The following EVPL variants were observed in gnomAD, a reference collection of about 807,000 sequenced individuals.
EVPL encodes envoplakin, also known as 210 kDa cornified envelope precursor protein.
Under a neutral mutation model 129.7 loss-of-function variants are expected in EVPL, and 94 were observed. That is an observed-to-expected ratio of 0.72 (90% CI 0.61 to 0.86). The LOEUF is 0.86. Ranked by LOEUF, EVPL falls within the 40% of genes least tolerant of loss-of-function variation. The probability of loss-of-function intolerance (pLI) is 0.00; values close to 1 mark genes in which losing one functional copy is unlikely to be tolerated. For missense variants in EVPL, 2,625 were observed against 2,721.1 expected (o/e 0.96, Z 0.79); for synonymous variants, 1,172 against 1,191.1 (o/e 0.98, Z 0.33).
chr17:76,024,135 G>T lies in EVPL; in HGVS notation c.99-15C>A, dbSNP rs1179376120. On this transcript the variant is annotated splice_polypyrimidine_tract_variant and intron_variant, in intron 1 of 21. Transcript: ENST00000301607. This position sits in a 1 kb window ranked among gnomAD's most constrained non-coding sequence, Gnocchi z 4.5. Reference sequence around the variant, plus strand: ...GGGTGGCAGCCCTAGTGTGTGGAGGGGACAGCGGGTAGCTCGGTGGAAGAG... The same window carrying T: ...GGGTGGCAGCCCTAGTGTGTGGAGGTGACAGCGGGTAGCTCGGTGGAAGAG... The T allele has an allele frequency of 9.9e-6, 16 of 1,611,534 alleles. No individual in the cohort carries two copies. Among genetic ancestry groups the T allele is most frequent in the African/African-American group, 1.3e-5 (1 of 74,874 alleles).
chr17:76,012,359 T>G (rs1333266887), intron 18 of EVPL: 1 of 384,692 alleles, frequency 2.6e-6, no homozygotes, highest in African/African-American at 2.1e-5. Context: ...CAGGTTGGAG[T>G]GCGTGATCTC....
intron 9 of EVPL, among the ~76,000 whole-genome samples, chr17:76,020,809 G>A (rs572976225): frequency 2.0e-5 from 3 of 151,884 alleles, no homozygotes; most frequent in East Asian, 3.9e-4. Flanking sequence ...CTCCTGGCTC[G>A]GCTTCCCAAA....
At position 76,009,196 on chromosome 17, in the gene EVPL, C is replaced by A. The variant is rs2066351908; in HGVS notation, c.4009G>T (p.Val1337Leu). 3 of 1,610,174 alleles carry A rather than the reference C, an allele frequency of 1.9e-6. No individual in the cohort carries two copies. Among genetic ancestry groups the A allele is most frequent in the African/African-American group, 1.3e-5 (1 of 74,932 alleles). Residue 1337 changes from valine (V) to leucine (L), a missense_variant, in exon 22 of 22, where the codon GTG becomes TTG. This residue lies in a region of EVPL where 1,453 missense variants were observed against 1,511.8 expected (regional missense o/e 0.96). Coordinates refer to ENST00000301607, the MANE Select transcript of EVPL (RefSeq NM_001988.4). The surrounding 1 kb of genome is among the most constrained non-coding windows in gnomAD (Gnocchi z 5.9). ...CGCCTCTTCTGGGCCGCCTCCCGCA[C>A]CTCCTGGCGGAGCCGCTCTGCTTCT... Reference protein sequence around the residue: ...EKEAERLRQEVREAAQKRRAA... With the variant: ...EKEAERLRQELREAAQKRRAA...
Position 76,007,162 on chromosome 17 carries a change from G to C in EVPL, c.6043C>G (p.Leu2015Val). ...LSGLLLLPAA[L>V]EGYRCYRSAS... ...GAGCGGTAGCAGCGGTACCCCTCCAGTGCCGCTGGCAGGAGCAGCAGGCCG... is the reference window on the plus strand; with the variant it reads ...GAGCGGTAGCAGCGGTACCCCTCCACTGCCGCTGGCAGGAGCAGCAGGCCG... Residue 2015 changes from leucine (L) to valine (V), a missense_variant, in exon 22 of 22, where the codon CTG (leucine) becomes GTG (valine). By Grantham distance (32) the Leu-to-Val change is conservative (BLOSUM62 1). Around this residue, in one of 4 missense-constraint regions of EVPL, gnomAD observed 1,453 missense variants for 1,511.8 expected, o/e 0.96. Coordinates refer to ENST00000301607, the MANE Select transcript of EVPL (RefSeq NM_001988.4). The surrounding 1 kb of genome is among the most constrained non-coding windows in gnomAD (Gnocchi z 8.8). 2 of 1,510,606 alleles carry C rather than the reference G, an allele frequency of 1.3e-6. No homozygotes were observed. Among genetic ancestry groups the C allele is most frequent in the Non-Finnish European group, 1.8e-6 (2 of 1,128,164 alleles). 93.6% of individuals were successfully genotyped at this position (1,510,606 alleles called of 1,614,324 possible).
At position 76,008,404 on chromosome 17, in the gene EVPL, C is replaced by A. The variant is rs199627871; in HGVS notation, c.4801G>T (p.Ala1601Ser). ...ECGRLQQELRALERQKQQQTL... is the reference protein window; with the variant it reads ...ECGRLQQELRSLERQKQQQTL... ...TGCTGCTGCTTCTGCCTCTCCAGAG[C>A]CCGCAGCTCCTGCTGCAGCCGCCCA... Residue 1601 changes from alanine to serine, a missense_variant, in exon 22 of 22, where the codon GCT becomes TCT. By Grantham distance (99) the Ala-to-Ser change is moderately conservative. This residue lies in a region of EVPL where 1,453 missense variants were observed against 1,511.8 expected (regional missense o/e 0.96). Coordinates refer to ENST00000301607, the MANE Select transcript of EVPL (RefSeq NM_001988.4). This position sits in a 1 kb window ranked among gnomAD's most constrained non-coding sequence, Gnocchi z 7.4. 1.5e-5 allele frequency: 24 copies of A among 1,593,582 alleles called. No homozygotes were observed. The Admixed American group carries it at 2.7e-4, about 18-fold the overall frequency.
intron 17 of EVPL, 77 bp downstream of exon 17, chr17:76,014,839 G>A (rs906183470): frequency 7.0e-7 from 1 of 1,419,824 alleles, no homozygotes; most frequent in Non-Finnish European, 9.5e-7. Context: ...ACTAGCCCAG[G>A]ATCACACAGC....
chr17:76,007,608 C>T lies in EVPL; in HGVS notation c.5597G>A (p.Gly1866Glu), dbSNP rs1231727247. The change falls in exon 22 of 22, where the codon GGG (glycine) becomes GAG (glutamate). Residue 1866 changes from glycine (G) to glutamate (E), a missense_variant. Physicochemically the swap from Gly to Glu is moderately conservative, Grantham distance 98. Transcript: ENST00000301607. The surrounding 1 kb of genome is among the most constrained non-coding windows in gnomAD (Gnocchi z 8.8). ...QKLLEAQAAT[G>E]GIVDLLSRER... The stretch of plus-strand genomic sequence containing the variant: ...ACGGCTGAGCAGGTCCACGATGCCC[C>T]CTGTGGCCGCCTGGGCCTCCAGTAG... The T allele has an allele frequency of 3.1e-6, 5 of 1,613,948 alleles. No individual in the cohort carries two copies. The highest frequency in any genetic ancestry group is 1.3e-5 in the African/African-American group (1 of 75,066).
Position 76,009,881 on chromosome 17 carries a change from C to T in EVPL, c.3324G>A (p.Gln1108=), listed in dbSNP as rs1218207752. The T allele has an allele frequency of 1.2e-6, 2 of 1,614,150 alleles. No homozygotes were observed. Among genetic ancestry groups the T allele is most frequent in the Non-Finnish European group, 1.7e-6 (2 of 1,180,032 alleles). The change falls in exon 22 of 22, where the codon CAG becomes CAA. Residue 1108 remains glutamine (Q), a synonymous_variant. Coordinates refer to ENST00000301607, the MANE Select transcript of EVPL (RefSeq NM_001988.4). This position sits in a 1 kb window ranked among gnomAD's most constrained non-coding sequence, Gnocchi z 5.9. ...GTAGCTTGGCCACAGCCTCCTCCGCCTGCTTCCTCCGCGCAGCATCCTCCT... is the reference window on the plus strand; with the variant it reads ...GTAGCTTGGCCACAGCCTCCTCCGCTTGCTTCCTCCGCGCAGCATCCTCCT... ...QMEEDAARRK[Q]AEEAVAKLQA... is the part of the protein sequence containing the mutation.
rs2066443017 is a variant in EVPL at position 76,019,560 on chromosome 17, CA to C, written c.1104del (p.Gly369AlafsTer72). ...AKYSPAPGGP[P>X]GAPTELLQQL... ...TGTTGCAGCAGCTCTGTGGGGGCGCCAGGGGGGCCCCCAGGTGCAGGGCTGT... is the reference window on the plus strand; with the variant it reads ...TGTTGCAGCAGCTCTGTGGGGGCGCCGGGGGGCCCCCAGGTGCAGGGCTGT... On this transcript the variant is annotated frameshift_variant, in exon 10 of 22. Coordinates refer to ENST00000301607, the MANE Select transcript of EVPL (RefSeq NM_001988.4). LOFTEE classifies it high-confidence loss of function. The C allele has an allele frequency of 3.2e-6, 5 of 1,576,118 alleles. No homozygotes were observed. The highest frequency in any genetic ancestry group is 4.6e-5 in the East Asian group (2 of 43,588).
At position 76,008,351 on chromosome 17, in the gene EVPL, C is replaced by A; in HGVS notation, c.4854G>T (p.Lys1618Asn). The A allele has an allele frequency of 6.2e-7, 1 of 1,603,576 alleles. No homozygotes were observed. ...QQTLQLQEES[K>N]LLSQKTESER... ...CGCTCTCCGTCTTCTGGCTGAGCAG[C>A]TTCGACTCCTCCTGCAGCTGCAGTG... Residue 1618 changes from lysine to asparagine, a missense_variant, in exon 22 of 22, where the codon AAG becomes AAT. Physicochemically the swap from Lys to Asn is moderately conservative, Grantham distance 94 (BLOSUM62 0). Transcript: ENST00000301607. The surrounding 1 kb of genome is among the most constrained non-coding windows in gnomAD (Gnocchi z 7.4).
intron 14 of EVPL, 75 bp downstream of exon 14, chr17:76,017,664 C>T (rs2066426646): frequency 3.9e-6 from 6 of 1,554,214 alleles, no homozygotes; most frequent in African/African-American, 1.4e-5. Context: ...CTGCACTTGC[C>T]TCACCTCCCT....
In EVPL at chr17:76,019,012, G is replaced by T; in HGVS notation, c.1186C>A (p.Gln396Lys). The part of the protein sequence containing the change: ...AVTERATGDL[Q>K]RRSRDVAPLP... The stretch of plus-strand genomic sequence containing the variant: ...GGGGCCACATCCCGGCTTCGCCGCT[G>T]CAGGTCCCCAGTGGCCCTCTCGGTG... The change falls in exon 11 of 22, where the codon CAG (glutamine) becomes AAG (lysine). Residue 396 changes from glutamine to lysine, a missense_variant. Physicochemically the swap from Gln to Lys is moderately conservative, Grantham distance 53 (BLOSUM62 1). Transcript: ENST00000301607. The T allele has an allele frequency of 6.4e-7, 1 of 1,574,206 alleles. No individual in the cohort carries two copies. The highest frequency in any genetic ancestry group is 1.4e-5 in the African/African-American group (1 of 71,946).
rs780250878 is a variant in EVPL at position 76,009,413 on chromosome 17, G to C, written c.3792C>G (p.Pro1264=). ...TQEVVRHERS[P]EVLREIDRLK... is the part of the protein sequence containing the mutation. ...GGCGGTCGATCTCACGCAGCACCTC[G>C]GGGCTCCTCTCATGCCTCACCACCT... is the stretch of plus-strand genomic sequence containing the variant. Residue 1264 remains proline (P), a synonymous_variant, in exon 22 of 22, where the codon CCC becomes CCG. Coordinates refer to ENST00000301607, the MANE Select transcript of EVPL (RefSeq NM_001988.4). This position sits in a 1 kb window ranked among gnomAD's most constrained non-coding sequence, Gnocchi z 5.9. The C allele has an allele frequency of 2.5e-6, 4 of 1,613,882 alleles. No homozygotes were observed. Among genetic ancestry groups the C allele is most frequent in the Non-Finnish European group, 3.4e-6 (4 of 1,179,956 alleles).
In EVPL at chr17:76,014,548, T is replaced by G. The variant is rs1331352751; in HGVS notation, c.2251A>C (p.Thr751Pro). 1.2e-6 allele frequency: 2 copies of G among 1,611,986 alleles called. No homozygotes were observed. The highest frequency in any genetic ancestry group is 1.7e-6 in the Non-Finnish European group (2 of 1,179,548). Reference sequence around the variant, plus strand: ...TTGCAGTTCTTGAACTGCTGGTAGGTGAGGGCGGCATCCTGCACCACCTTC... The same window carrying G: ...TTGCAGTTCTTGAACTGCTGGTAGGGGAGGGCGGCATCCTGCACCACCTTC... ...REKVVQDAAL[T>P]YQQFKNCKDN... The change falls in exon 18 of 22, where the codon ACC becomes CCC. Residue 751 changes from threonine to proline, a missense_variant. Around this residue, in one of 4 missense-constraint regions of EVPL, gnomAD observed 1,024 missense variants for 997.5 expected, o/e 1.03. Transcript: ENST00000301607.
At chr17:76,021,611 G>GGCCCCCCC (rs2144433396) in intron 8 of EVPL, 48 bp from the exon 9 acceptor site, 1 of 1,202,158 alleles carries the variant, frequency 8.3e-7, no homozygotes, top group Non-Finnish European at 1.1e-6. Flanking sequence ...CCCCACGTCC[G>GGCCCCCCC]CCCCACCTCC....
chr17:76,012,209 A>C, intron 18 of EVPL, 120 bp from the exon 19 acceptor site: 1 of 687,456 alleles, frequency 1.5e-6, no homozygotes, highest in Non-Finnish European at 2.4e-6. Flanking sequence ...AAGAAAGGGC[A>C]GGGAGGGAGA....
chr17:76,022,544 G>A lies in EVPL; in HGVS notation c.481-6C>T, dbSNP rs1282212524. 2 of 1,600,622 alleles carry A rather than the reference G, an allele frequency of 1.2e-6. No individual in the cohort carries two copies. The highest frequency in any genetic ancestry group is 1.1e-5 in the South Asian group (1 of 89,110). On this transcript the variant is annotated splice_polypyrimidine_tract_variant and splice_region_variant and intron_variant, in intron 4 of 21. Transcript: ENST00000301607. This position sits in a 1 kb window ranked among gnomAD's most constrained non-coding sequence, Gnocchi z 5.6. The stretch of plus-strand genomic sequence containing the variant: ...TGGCCTGCGCAGACCTGCTTCTGCA[G>A]GAGAGCCGGCGGCTCAGTCCCCAAA...
At chr17:76,014,039 C>T (rs189536482) in intron 18 of EVPL, among the ~76,000 whole-genome samples, 1 of 152,342 alleles carries the variant, frequency 6.6e-6, no homozygotes, top group Non-Finnish European at 1.5e-5. Context: ...GTGTGTCCAG[C>T]CTGGGGGCAC....
Position 76,017,853 on chromosome 17 carries a change from G to A in EVPL, c.1596C>T (p.Thr532=). The stretch of plus-strand genomic sequence containing the variant: ...TCTGTCCCAGGTCTCCATCCAGCCG[G>A]GTCATCTGTGTCAGGAGCTTCTGGG... ...PQAQKLLTQM[T]RLDGDLGQIE... Residue 532 remains threonine, a synonymous_variant, in exon 14 of 22, where the codon ACC becomes ACT. Coordinates refer to ENST00000301607, the MANE Select transcript of EVPL (RefSeq NM_001988.4). 1 of 1,614,102 alleles carries A rather than the reference G, an allele frequency of 6.2e-7. No homozygotes were observed.
Sources: gnomAD v4.1 joint callset for allele counts (sites outside exome capture counted in the v4.1 genomes callset) on GRCh38, gnomAD v4.1.1 for gene constraint, gnomAD v4.1.1 regional missense constraint, Gnocchi (gnomAD v3.1) non-coding constraint, MANE v1.5 for transcripts, NCBI Gene and HGNC (gene_info 2026-07-23, HGNC 2026-07-21) for gene names.